ADAR: variants seen among roughly 807,000 people sequenced by gnomAD.
The protein encoded by ADAR is double-stranded RNA-specific adenosine deaminase.
Under a neutral mutation model 113.2 loss-of-function variants are expected in ADAR, and 41 were observed. The ratio of observed to expected loss-of-function variants is 0.36; its 90% CI spans 0.28 to 0.47. The LOEUF is 0.47. Among genes scored for constraint, ADAR ranks in the 20% least tolerant of loss-of-function variants. ADAR has a pLI of 1.00. For synonymous variants in ADAR, 605 were observed against 572.6 expected (o/e 1.06, Z -0.81); for missense variants, 1,242 against 1,540.9 (o/e 0.81, Z 3.25).
Position 154,586,197 on chromosome 1 carries a change from G to C in ADAR, c.3186C>G (p.Leu1062=), listed in dbSNP as rs971946741. The C allele has an allele frequency of 2.5e-6, 4 of 1,614,064 alleles. 1 individual carries two copies. The African/African-American group carries it at 5.3e-5, about 22-fold the overall frequency. The part of the protein sequence containing the change: ...LLTHFLQPIY[L]KSVTLGYLFS... ...GCCCCTTACCCAATGTGACAGATTT[G>C]AGATAAATGGGCTGCAGGAAGTGGG... The change falls in exon 12 of 15, where the codon CTC becomes CTG. Residue 1062 remains leucine, a synonymous_variant. Transcript: ENST00000368474.
At chr1:154,608,329 C>CTTTTTT (rs560819918), upstream of ADAR, 3 of 287,258 alleles carry the variant, frequency 1.0e-5, no homozygotes, top group Non-Finnish European at 1.9e-5. Context: ...ACGGAAGGTA[C>CTTTTTT]TTTTTTTTTT....
exon 1 of ADAR, chr1:154,627,913 G>GGCCCCCCCCCCC: frequency 1.9e-6 from 1 of 517,162 alleles, no homozygotes; most frequent in Non-Finnish European, 3.9e-6. Flanking sequence ...GTGCGGCCGC[G>GGCCCCCCCCCCC]ACCCTCCCCC....
intron 6 of ADAR, among the ~76,000 whole-genome samples, 180 bp downstream of exon 6, chr1:154,596,625 T>G (rs773194333): frequency 3.9e-5 from 6 of 151,968 alleles, no homozygotes; most frequent in Non-Finnish European, 8.8e-5. Context: ...ACTGGAAGAG[T>G]GAACGCATTC....
At chr1:154,620,719 C>T (rs1406784066) in intron 1 of ADAR, among the ~76,000 whole-genome samples, 1 of 152,112 alleles carries the variant, frequency 6.6e-6, no homozygotes, top group African/African-American at 2.4e-5. Flanking sequence ...TAGTGTTGGC[C>T]TTTGGGGGTA....
chr1:154,606,947 A>AAAAAAATAT (rs1553214982), intron 1 of ADAR, among the ~76,000 whole-genome samples: 1 of 148,436 alleles, frequency 6.7e-6, no homozygotes, highest in Non-Finnish European at 1.5e-5. Context: ...AAAAAAAAAA[A>AAAAAAATAT]ATATATATAT....
chr1:154,611,460 A>G (rs918705360), upstream of ADAR, among the ~76,000 whole-genome samples: 4 of 151,946 alleles, frequency 2.6e-5, no homozygotes, highest in African/African-American at 9.7e-5. Flanking sequence ...TGAGGTGATG[A>G]TGTCTTTTTT....
At chr1:154,607,150 T>G (rs1698244484) in intron 1 of ADAR, among the ~76,000 whole-genome samples, 1 of 152,110 alleles carries the variant, frequency 6.6e-6, no homozygotes, top group Admixed American at 6.5e-5. Flanking sequence ...ACGGATCCAC[T>G]TTCCATCCCT....
chr1:154,610,838 A>AAAAAAAAAAAAAAT, upstream of ADAR, among the ~76,000 whole-genome samples: 1 of 147,136 alleles, frequency 6.8e-6, no homozygotes, highest in Non-Finnish European at 1.5e-5. Flanking sequence ...AAAAAAAAAA[A>AAAAAAAAAAAAAAT]AAAGACAAAA....
chr1:154,598,698 T>TGGA lies in ADAR; in HGVS notation c.1602-116_1602-114dup, dbSNP rs4045821. On this transcript the variant is annotated intron_variant, in intron 2 of 14. Coordinates refer to ENST00000368474, the MANE Select transcript of ADAR (RefSeq NM_001111.5). ...GCTACGCTAAGGGGCTTTTCACTTGTGGAGATGAAGGGTAGGCCAAGGAAC... is the reference window on the plus strand; with the variant it reads ...GCTACGCTAAGGGGCTTTTCACTTGTGGAGGAGATGAAGGGTAGGCCAAGGAAC... The TGGA allele has an allele frequency of 1, 1,043,093 of 1,044,184 alleles. 521,015 individuals are homozygous for TGGA. Among genetic ancestry groups the TGGA allele is most frequent in the East Asian group, 1 (42,101 of 42,104 alleles). The allele number at this position is 1,044,184 out of a possible 1,614,324, so 64.7% of individuals were successfully genotyped here.
chr1:154,606,853 T>C (rs1009666402), intron 1 of ADAR, among the ~76,000 whole-genome samples: 6 of 152,084 alleles, frequency 3.9e-5, no homozygotes, highest in African/African-American at 1.4e-4. Flanking sequence ...ACCACACAGG[T>C]TCCACAGTGC....
At chr1:154,586,418 T>C (rs1696767071) in intron 11 of ADAR, 55 bp from the exon 12 acceptor site, 1 of 1,559,310 alleles carries the variant, frequency 6.4e-7, no homozygotes, top group African/African-American at 1.4e-5. Flanking sequence ...AACCACTCCC[T>C]GGCGTGGTTT....
At chr1:154,590,527 A>G in intron 6 of ADAR, 118 bp from the exon 7 acceptor site, 3 of 957,770 alleles carry the variant, frequency 3.1e-6, no homozygotes, top group Non-Finnish European at 3.3e-6. Flanking sequence ...CGTCAAACAG[A>G]AGCTGTTTCT....
chr1:154,620,406 A>G (rs80021027), intron 1 of ADAR, among the ~76,000 whole-genome samples: 1 of 129,536 alleles, frequency 7.7e-6, no homozygotes, highest in East Asian at 2.0e-4. Context: ...GCTCCGTCTC[A>G]AAAAAAAAAA....
At chr1:154,618,487 TCAAGTA>T (rs1327957995) in intron 1 of ADAR, among the ~76,000 whole-genome samples, 2 of 152,102 alleles carry the variant, frequency 1.3e-5, no homozygotes, top group African/African-American at 2.4e-5. Context: ...TAAATAAAGT[TCAAGTA>T]CAAGAACAAA....
intron 6 of ADAR, among the ~76,000 whole-genome samples, chr1:154,594,986 A>G (rs1217705755): frequency 6.6e-6 from 1 of 152,242 alleles, no homozygotes; most frequent in Non-Finnish European, 1.5e-5. Context: ...TTGTTCAATG[A>G]TAAATCACAC....
chr1:154,604,013 A>G lies in ADAR; in HGVS notation c.16-1387T>C, dbSNP rs576137247. On this transcript the variant is annotated intron_variant, in intron 1 of 14. Coordinates refer to ENST00000368474, the MANE Select transcript of ADAR (RefSeq NM_001111.5). Reference sequence around the variant, plus strand: ...TGCCACACAATTGGCTTGTCTAGCTACTCCTTCAATCTCACTATGACTCTA... The same window carrying G: ...TGCCACACAATTGGCTTGTCTAGCTGCTCCTTCAATCTCACTATGACTCTA... Among the ~76,000 whole-genome samples, 301 of 151,698 alleles carry G rather than the reference A, an allele frequency of 2.0e-3. 1 individual carries two copies. Among genetic ancestry groups the G allele is most frequent in the African/African-American group, 6.9e-3 (286 of 41,296 alleles).
chr1:154,610,500 T>C (rs1698447864), upstream of ADAR, among the ~76,000 whole-genome samples: 2 of 152,092 alleles, frequency 1.3e-5, no homozygotes, highest in South Asian at 4.1e-4. Context: ...AACCAAACTA[T>C]AGTATGCTCT....
At chr1:154,595,400 G>A (rs991412988) in intron 6 of ADAR, among the ~76,000 whole-genome samples, 14 of 152,158 alleles carry the variant, frequency 9.2e-5, no homozygotes, top group Non-Finnish European at 8.8e-5. Flanking sequence ...GGGACAAGAC[G>A]TGGAGGTGGA....
intron 1 of ADAR, among the ~76,000 whole-genome samples, chr1:154,626,651 A>G (rs528349897): frequency 3.9e-5 from 6 of 152,282 alleles, no homozygotes; most frequent in African/African-American, 1.4e-4. Context: ...CCTTACTAAT[A>G]ATAGCTAGAC....
Sources: gnomAD v4.1 joint callset for allele counts (sites outside exome capture counted in the v4.1 genomes callset) on GRCh38, gnomAD v4.1.1 for gene constraint, MANE v1.5 for transcripts, NCBI Gene and HGNC (gene_info 2026-07-23, HGNC 2026-07-21) for gene names.